The following PRKAR1B variants were observed in gnomAD, a reference collection of about 807,000 sequenced individuals.
The protein encoded by PRKAR1B is cAMP-dependent protein kinase type I-beta regulatory subunit.
Under a neutral mutation model 46.5 loss-of-function variants are expected in PRKAR1B, and 22 were observed. The observed-to-expected ratio is 0.47, with a 90% confidence interval of 0.34 to 0.68. The LOEUF is 0.68. Ranked by LOEUF, PRKAR1B falls within the 30% of genes least tolerant of loss-of-function variation. The pLI, the probability that PRKAR1B is intolerant of heterozygous loss-of-function variation, is 0.01. For synonymous variants in PRKAR1B, 259 were observed against 217.7 expected, an observed-to-expected ratio of 1.19 and a Z score of -1.67; for missense variants, 445 against 535.6, an observed-to-expected ratio of 0.83 and a Z score of 1.67.
At chr7:611,136 G>A (rs922210448) in intron 4 of PRKAR1B, among the ~76,000 whole-genome samples, 10 of 152,232 alleles carry the variant, frequency 6.6e-5, no homozygotes, top group Non-Finnish European at 1.2e-4. Flanking sequence ...TTCACCCAAG[G>A]TCAAGAAGCC....
intron 4 of PRKAR1B, among the ~76,000 whole-genome samples, chr7:629,071 G>A (rs1023809886): frequency 5.3e-5 from 8 of 152,218 alleles, no homozygotes; most frequent in African/African-American, 1.2e-4. Context: ...AGCCCGCTCC[G>A]TGCAGAAGAT....
intron 4 of PRKAR1B, among the ~76,000 whole-genome samples, chr7:654,237 C>T (rs1164847151): frequency 6.7e-6 from 1 of 149,656 alleles, no homozygotes; most frequent in African/African-American, 2.5e-5. Context: ...ACCATCATCA[C>T]CATCCTCATC....
chr7:550,240 T>C lies in PRKAR1B; in HGVS notation c.*190A>G. 1.7e-6 allele frequency: 1 copy of C among 591,504 alleles called. No homozygotes were observed. Among genetic ancestry groups the C allele is most frequent in the Non-Finnish European group, 3.0e-6 (1 of 332,592 alleles). The allele number at this position is 591,504 out of a possible 1,614,324, so 36.6% of individuals were successfully genotyped here. A position where few individuals can be genotyped will look rare whatever the true frequency, so the allele number is the denominator to read the frequency against. ...TGGGATGCATTTTGTCCGCTTGTCC[T>C]TTGATTTGGAAATGCACAAGGTGAT... On this transcript the variant is annotated 3_prime_UTR_variant, in exon 11 of 11. Coordinates refer to ENST00000537384, the MANE Select transcript of PRKAR1B (RefSeq NM_001164760.2).
intron 9 of PRKAR1B, among the ~76,000 whole-genome samples, chr7:552,563 G>C (rs1018934947): frequency 6.6e-6 from 1 of 150,660 alleles, no homozygotes. Context: ...TCCCGTTCCC[G>C]GCACCTGTGA....
At chr7:572,282 G>A (rs528720140) in intron 9 of PRKAR1B, among the ~76,000 whole-genome samples, 1 of 152,334 alleles carries the variant, frequency 6.6e-6, no homozygotes, top group South Asian at 2.1e-4. Context: ...AGTCTGCTGA[G>A]AATATTTTCC....
intron 8 of PRKAR1B, among the ~76,000 whole-genome samples, chr7:584,243 A>G (rs1562538437): frequency 6.6e-6 from 1 of 152,206 alleles, no homozygotes; most frequent in Non-Finnish European, 1.5e-5. Context: ...CAGACAGGAA[A>G]CGCACAGGAT....
At chr7:661,259 C>G (rs1394280886) in intron 4 of PRKAR1B, among the ~76,000 whole-genome samples, 8 of 79,236 alleles carry the variant, frequency 1.0e-4, no homozygotes, top group Admixed American at 2.2e-4. Context: ...ACTCTCCCCC[C>G]CATGGCACAG....
intron 2 of PRKAR1B, among the ~76,000 whole-genome samples, chr7:685,361 T>TATATAC: frequency 3.6e-5 from 2 of 55,056 alleles, no homozygotes; most frequent in Non-Finnish European, 6.3e-5. Flanking sequence ...TACATATATA[T>TATATAC]ATACACATAT....
intron 2 of PRKAR1B, among the ~76,000 whole-genome samples, chr7:685,562 T>C (rs1417781719): frequency 1.3e-4 from 20 of 151,414 alleles, no homozygotes; most frequent in Non-Finnish European, 2.6e-4. Flanking sequence ...TTTTCAGTCC[T>C]AGTAAAAGGA....
chr7:669,179 G>A (rs1020804629), intron 4 of PRKAR1B, among the ~76,000 whole-genome samples: 1 of 152,232 alleles, frequency 6.6e-6, no homozygotes, highest in Non-Finnish European at 1.5e-5. Flanking sequence ...ATGCTATGCT[G>A]TGGATGCACC....
At chr7:634,518 G>A (rs1180679563) in intron 4 of PRKAR1B, among the ~76,000 whole-genome samples, 2 of 152,078 alleles carry the variant, frequency 1.3e-5, no homozygotes, top group African/African-American at 4.8e-5. Flanking sequence ...TTTGGGTGGG[G>A]GTCAGCTCAG....
chr7:700,751 T>G (rs1336305560), intron 2 of PRKAR1B, among the ~76,000 whole-genome samples: 1 of 151,830 alleles, frequency 6.6e-6, no homozygotes, highest in Non-Finnish European at 1.5e-5. Context: ...AATTTAGAAC[T>G]GAAAAATAAA....
intron 4 of PRKAR1B, among the ~76,000 whole-genome samples, chr7:664,804 G>C (rs7799602): frequency 0.15 from 22,837 of 151,840 alleles, 1,947 homozygotes; most frequent in South Asian, 0.28. Context: ...GCCCCAGCTA[G>C]TCGGGAGGCT....
At chr7:561,150 C>A (rs1175689026) in intron 9 of PRKAR1B, among the ~76,000 whole-genome samples, 1 of 150,848 alleles carries the variant, frequency 6.6e-6, no homozygotes, top group Non-Finnish European at 1.5e-5. Context: ...CACACACACA[C>A]CTGTGCACAC....
intron 6 of PRKAR1B, among the ~76,000 whole-genome samples, chr7:603,630 A>AGGTGACAT (rs1201903736): frequency 1.6e-5 from 2 of 123,096 alleles, no homozygotes; most frequent in African/African-American, 7.4e-5. Flanking sequence ...ATGGGGGAGG[A>AGGTGACAT]GGTGACACCA....
intron 4 of PRKAR1B, among the ~76,000 whole-genome samples, chr7:663,534 G>A (rs1418730926): frequency 6.6e-6 from 1 of 152,110 alleles, no homozygotes; most frequent in Non-Finnish European, 1.5e-5. Context: ...ACCGTGCCCG[G>A]CCCATTCACT....
intron 2 of PRKAR1B, among the ~76,000 whole-genome samples, chr7:708,370 A>G (rs1780441170): frequency 6.6e-6 from 1 of 152,246 alleles, no homozygotes; most frequent in Non-Finnish European, 1.5e-5. Flanking sequence ...CCTGGTATCC[A>G]TGGGAGATGG....
chr7:667,903 A>G lies in PRKAR1B; in HGVS notation c.440+9326T>C, dbSNP rs1238296312. Among the ~76,000 whole-genome samples, 1 of 152,226 alleles carries G rather than the reference A, an allele frequency of 6.6e-6. No homozygotes were observed. The highest frequency in any genetic ancestry group is 6.5e-5 in the Admixed American group (1 of 15,284). Reference sequence around the variant, plus strand: ...CAGGCAGGCGGTCTGGGGGAGTTGCAGCCTCCCTCACAACCACGTTGCACT... The same window carrying G: ...CAGGCAGGCGGTCTGGGGGAGTTGCGGCCTCCCTCACAACCACGTTGCACT... On this transcript the variant is annotated intron_variant, in intron 4 of 10. Coordinates refer to ENST00000537384, the MANE Select transcript of PRKAR1B (RefSeq NM_001164760.2). The surrounding 1 kb of genome is among the most constrained non-coding windows in gnomAD (Gnocchi z 4.3).
chr7:636,759 G>C (rs893280895), intron 4 of PRKAR1B, among the ~76,000 whole-genome samples: 13 of 152,184 alleles, frequency 8.5e-5, no homozygotes, highest in Admixed American at 5.2e-4. Flanking sequence ...CTGACGGGTC[G>C]GGTCCATCTC....
Sources: gnomAD v4.1 joint callset for allele counts (sites outside exome capture counted in the v4.1 genomes callset) on GRCh38, gnomAD v4.1.1 for gene constraint, Gnocchi (gnomAD v3.1) non-coding constraint, MANE v1.5 for transcripts, NCBI Gene and HGNC (gene_info 2026-07-23, HGNC 2026-07-21) for gene names.